LPP: variants seen among roughly 807,000 people sequenced by gnomAD.
LPP encodes the protein LIM domain containing preferred translocation partner in lipoma, also known as lipoma-preferred partner.
Under a neutral mutation model 60.4 loss-of-function variants are expected in LPP, and 38 were observed. That is an observed-to-expected ratio of 0.63 (90% CI 0.49 to 0.83). The LOEUF is 0.83. Among genes scored for constraint, LPP ranks in the 40% least tolerant of loss-of-function variants. LPP has a pLI of 0.00. For synonymous variants in LPP, 328 were observed against 290.8 expected, an observed-to-expected ratio of 1.13 and a Z score of -1.30; for missense variants, 902 against 783.6, an observed-to-expected ratio of 1.15 and a Z score of -1.80.
chr3:188,721,134 A>C (rs1294754096), intron 8 of LPP, among the ~76,000 whole-genome samples: 1 of 152,186 alleles, frequency 6.6e-6, no homozygotes, highest in African/African-American at 2.4e-5. Flanking sequence ...TATTTAAATC[A>C]ATTAACTTTT....
Position 188,609,655 on chromosome 3 carries a change from G to A in LPP, c.924G>A (p.Gly308=), listed in dbSNP as rs377565924. The A allele has an allele frequency of 1.7e-5, 27 of 1,614,084 alleles. No homozygotes were observed. The highest frequency in any genetic ancestry group is 1.2e-4 in the Admixed American group (7 of 60,006). Residue 308 remains glycine (G), a synonymous_variant, in exon 7 of 12, where the codon GGG becomes GGA. Transcript: ENST00000617246. The surrounding 1 kb of genome is among the most constrained non-coding windows in gnomAD (Gnocchi z 6.9). ...EGYYAAGPGY[G]GRNDSDPTYG... is the part of the protein sequence containing the mutation. ...ACTATGCAGCAGGGCCAGGCTATGG[G>A]GGCAGAAATGACTCTGACCCTACCT...
Position 188,832,042 on chromosome 3 carries a change from G to A in LPP, c.1411-34158G>A, listed in dbSNP as rs867317225. 7.2e-5 allele frequency among the ~76,000 whole-genome samples: 11 copies of A among 152,296 alleles called. No individual in the cohort carries two copies. The Middle Eastern group carries it at 0.014, about 188-fold the overall frequency. On this transcript the variant is annotated intron_variant, in intron 9 of 11. Coordinates refer to ENST00000617246, the MANE Select transcript of LPP (RefSeq NM_001375462.1). The stretch of plus-strand genomic sequence containing the variant: ...AATTTTCTACATAGATACTTGTGGA[G>A]GACAGGCTCTAGGGTGACTTCCAAT...
At chr3:188,584,592 T>A (rs1444561543) in intron 6 of LPP, 4 of 149,828 alleles carry the variant, frequency 2.7e-5, no homozygotes, top group Non-Finnish European at 5.9e-5. Context: ...AAGTTGGCCA[T>A]GACTTAATAC....
At chr3:188,709,079 T>C (rs986917218) in intron 8 of LPP, 17 of 152,120 alleles carry the variant, frequency 1.1e-4, no homozygotes, top group Non-Finnish European at 2.4e-4. Flanking sequence ...TCTATCTCAG[T>C]TGAAGAAATG....
rs9989965 is a variant in LPP at position 188,886,403 on chromosome 3, T to C, written c.*11924T>C. 3.3e-5 allele frequency: 6 copies of C among 183,112 alleles called. 1 individual carries two copies. The highest frequency in any genetic ancestry group is 6.8e-5 in the Non-Finnish European group (6 of 88,044). 11.3% of individuals were successfully genotyped at this position (183,112 alleles called of 1,614,324 possible). On this transcript the variant is annotated 3_prime_UTR_variant, in exon 12 of 12. Coordinates refer to ENST00000617246, the MANE Select transcript of LPP (RefSeq NM_001375462.1). ...TGAGTGGAAAATGATTCTTGTCGAA[T>C]AGACAGAGTATTCCCACCCCAGGAA...
At chr3:188,819,027 C>CGTGT (rs59994224) in intron 9 of LPP, among the ~76,000 whole-genome samples, 1,525 of 142,276 alleles carry the variant, frequency 0.011, 8 homozygotes, top group Non-Finnish European at 0.016. Flanking sequence ...TCATGGGGGT[C>CGTGT]GTGTGTGTGT....
intron 6 of LPP, among the ~76,000 whole-genome samples, chr3:188,604,150 T>G (rs1841974610): frequency 6.6e-6 from 1 of 152,132 alleles, no homozygotes; most frequent in African/African-American, 2.4e-5. Context: ...ACTTTCTGAG[T>G]GCAATGAGTG....
chr3:188,185,168 G>C (rs1726215354), intron 1 of LPP, among the ~76,000 whole-genome samples: 1 of 148,366 alleles, frequency 6.7e-6, no homozygotes, highest in Non-Finnish European at 1.5e-5. Flanking sequence ...AGGAGGCCTG[G>C]TTTTGAAATT....
At chr3:188,322,445 G>C (rs1053985127) in intron 2 of LPP, among the ~76,000 whole-genome samples, 5 of 152,128 alleles carry the variant, frequency 3.3e-5, no homozygotes, top group African/African-American at 1.2e-4. Flanking sequence ...ATGATTCCTA[G>C]TTAGGCATGG....
At chr3:188,765,018 T>C (rs1049044886) in intron 9 of LPP, among the ~76,000 whole-genome samples, 4 of 152,194 alleles carry the variant, frequency 2.6e-5, no homozygotes, top group Non-Finnish European at 4.4e-5. Context: ...ATCAAATGGC[T>C]ACAGTTAAAA....
intron 8 of LPP, among the ~76,000 whole-genome samples, chr3:188,723,931 C>T (rs1717413320): frequency 6.6e-6 from 1 of 152,040 alleles, no homozygotes; most frequent in Non-Finnish European, 1.5e-5. Context: ...TTCCTCTCTT[C>T]CCCAAAAAGA....
At chr3:188,360,281 C>T (rs1768888323) in intron 3 of LPP, among the ~76,000 whole-genome samples, 2 of 152,260 alleles carry the variant, frequency 1.3e-5, no homozygotes, top group South Asian at 4.1e-4. Flanking sequence ...ATTGCACTCC[C>T]AGATGATCCT....
Position 188,466,442 on chromosome 3 carries a change from G to A in LPP, c.194-18150G>A, listed in dbSNP as rs529311618. ...CATAGAATCATAAACCATCAGTGTC[G>A]AGAGGGCTACTAAGCAGTTTCCTTG... On this transcript the variant is annotated intron_variant, in intron 4 of 11. Transcript: ENST00000617246. Among the ~76,000 whole-genome samples, 16 of 152,054 alleles carry A rather than the reference G, an allele frequency of 1.1e-4. 1 individual carries two copies. In the South Asian group the frequency reaches 2.5e-3, roughly 24 times the overall value.
intron 2 of LPP, among the ~76,000 whole-genome samples, chr3:188,258,022 T>G (rs1732241975): frequency 6.6e-6 from 1 of 152,224 alleles, no homozygotes; most frequent in South Asian, 2.1e-4. Context: ...TGAGCCCTAC[T>G]AACAAGGTGT....
chr3:188,241,580 G>A (rs73059626), intron 2 of LPP, among the ~76,000 whole-genome samples: 2,516 of 152,162 alleles, frequency 0.017, 58 homozygotes, highest in African/African-American at 0.055. Flanking sequence ...ATGTGAGACC[G>A]TGTTATAATA....
rs1047243277 is a variant in LPP, at chr3:188,615,596, T to A, written c.1113+5752T>A. On this transcript the variant is annotated intron_variant, in intron 7 of 11. Coordinates refer to ENST00000617246, the MANE Select transcript of LPP (RefSeq NM_001375462.1). Reference sequence around the variant, plus strand: ...TAGCAGAGGTTTATTGAACATTGTGTTCACTTTGAAGAATTTTGGTAGACA... The same window carrying A: ...TAGCAGAGGTTTATTGAACATTGTGATCACTTTGAAGAATTTTGGTAGACA... Among the ~76,000 whole-genome samples the A allele has an allele frequency of 2.6e-5, 4 of 152,330 alleles. No individual in the cohort carries two copies. In the East Asian group the frequency reaches 5.8e-4, roughly 22 times the overall value.
intron 5 of LPP, among the ~76,000 whole-genome samples, chr3:188,506,156 C>T (rs1417022162): frequency 6.6e-6 from 1 of 152,174 alleles, no homozygotes; most frequent in East Asian, 1.9e-4. Flanking sequence ...TCTCTGCATC[C>T]TCAGTCTTTT....
At chr3:188,758,242 C>T (rs918970580) in intron 8 of LPP, among the ~76,000 whole-genome samples, 2 of 152,146 alleles carry the variant, frequency 1.3e-5, no homozygotes, top group African/African-American at 4.8e-5. Context: ...CTCACTGCAA[C>T]CTCTGCCTCC....
At position 188,805,832 on chromosome 3, in the gene LPP, C is replaced by T. The variant is rs183317805; in HGVS notation, c.1410+45550C>T. On this transcript the variant is annotated intron_variant, in intron 9 of 11. Transcript: ENST00000617246. The stretch of plus-strand genomic sequence containing the variant: ...CTAATGTATCTAGTAATTTTTTTGA[C>T]GCATGGTTTATTTAGAAATGTGTTA... Among the ~76,000 whole-genome samples, 202 of 151,312 alleles carry T rather than the reference C, an allele frequency of 1.3e-3. 1 individual carries two copies. Among genetic ancestry groups the T allele is most frequent in the African/African-American group, 3.8e-3 (157 of 41,316 alleles).
Sources: gnomAD v4.1 joint callset for allele counts (sites outside exome capture counted in the v4.1 genomes callset) on GRCh38, gnomAD v4.1.1 for gene constraint, Gnocchi (gnomAD v3.1) non-coding constraint, MANE v1.5 for transcripts, NCBI Gene and HGNC (gene_info 2026-07-23, HGNC 2026-07-21) for gene names.